Variants in TENT2 observed in about 807,000 individuals in gnomAD.
The protein encoded by TENT2 is poly(A) RNA polymerase GLD2.
A neutral mutation model predicts 72.2 loss-of-function variants in TENT2; 44 were observed. The observed-to-expected ratio is 0.61, with a 90% CI of 0.48 to 0.78. The LOEUF (loss-of-function observed/expected upper bound fraction) is 0.78. Among genes scored for constraint, TENT2 ranks in the 30% least tolerant of loss-of-function variants. The pLI, the probability that TENT2 is intolerant of heterozygous loss-of-function variation, is 0.00. For missense variants in TENT2, 541 were observed against 569.6 expected (o/e 0.95, Z 0.51); for synonymous variants, 212 against 192.5 (o/e 1.10, Z -0.84).
chr5:79,670,159 C>T (rs1418000724), intron 12 of TENT2, among the ~76,000 whole-genome samples: 2 of 148,752 alleles, frequency 1.3e-5, no homozygotes, highest in African/African-American at 5.0e-5. Flanking sequence ...GTGGGGGTTG[C>T]AGTAAGCTGA....
chr5:79,623,779 G>GAA (rs368170393), intron 4 of TENT2: 385 of 187,824 alleles, frequency 2.0e-3, no homozygotes, highest in South Asian at 6.1e-3. Flanking sequence ...TGTTTTTACT[G>GAA]AAAAAAAAAA....
At chr5:79,615,709 C>CTTTTTTT in intron 1 of TENT2, among the ~76,000 whole-genome samples, 1 of 144,978 alleles carries the variant, frequency 6.9e-6, no homozygotes, top group Non-Finnish European at 1.5e-5. Flanking sequence ...TTTCTTTTTT[C>CTTTTTTT]TTTTTTTTTT....
At chr5:79,668,673 T>A in intron 11 of TENT2, 1 of 467,856 alleles carries the variant, frequency 2.1e-6, no homozygotes, top group Non-Finnish European at 3.8e-6. Context: ...AGTGATATAC[T>A]CAAGCCAAGG....
At chr5:79,672,040 T>A (rs1445223222) in intron 12 of TENT2, among the ~76,000 whole-genome samples, 1 of 151,802 alleles carries the variant, frequency 6.6e-6, no homozygotes, top group Non-Finnish European at 1.5e-5. Context: ...GAGGTGGGGG[T>A]TGCAGTGAGC....
chr5:79,648,268 A>G (rs1790740625), intron 8 of TENT2, among the ~76,000 whole-genome samples: 1 of 152,070 alleles, frequency 6.6e-6, no homozygotes, highest in Non-Finnish European at 1.5e-5. Flanking sequence ...TGACTGTGCT[A>G]CTGCACTCCA....
chr5:79,679,246 T>C (rs532828788), intron 12 of TENT2, among the ~76,000 whole-genome samples: 5 of 152,158 alleles, frequency 3.3e-5, no homozygotes, highest in African/African-American at 1.2e-4. Flanking sequence ...TTTCAATAAA[T>C]ATGTGTTGAA....
chr5:79,649,658 A>T (rs1337169370), intron 10 of TENT2, among the ~76,000 whole-genome samples: 2 of 152,108 alleles, frequency 1.3e-5, no homozygotes, highest in Non-Finnish European at 2.9e-5. Context: ...TTGGCTCCCA[A>T]ATTTTAATTT....
chr5:79,645,413 ACTAT>A (rs892336534), intron 8 of TENT2, among the ~76,000 whole-genome samples: 162 of 152,240 alleles, frequency 1.1e-3, no homozygotes, highest in African/African-American at 3.6e-3. Context: ...AATATGTGAG[ACTAT>A]CTAATTTAAA....
chr5:79,682,025 G>T lies in TENT2; in HGVS notation c.1344G>T (p.Lys448Asn), dbSNP rs779740827. ...ATACAGCCAGAGCAGTGCACGAAAAGCAGAAATTTGATATGATCAAGGATC... is the reference window on the plus strand; with the variant it reads ...ATACAGCCAGAGCAGTGCACGAAAATCAGAAATTTGATATGATCAAGGATC... ...GTNTARAVHE[K>N]QKFDMIKDQF... The change falls in exon 14 of 15, where the codon AAG becomes AAT. Residue 448 changes from lysine to asparagine, a missense_variant. Lys to Asn is a moderately conservative substitution (Grantham distance 94). Coordinates refer to ENST00000453514, the MANE Select transcript of TENT2 (RefSeq NM_001114394.3). 5 of 1,613,594 alleles carry T rather than the reference G, an allele frequency of 3.1e-6. No individual in the cohort carries two copies. The highest frequency in any genetic ancestry group is 4.2e-6 in the Non-Finnish European group (5 of 1,179,756).
chr5:79,640,782 C>T (rs375395619), intron 4 of TENT2, 69 bp from the exon 5 acceptor site: 17 of 858,130 alleles, frequency 2.0e-5, no homozygotes, highest in Admixed American at 9.8e-5. Flanking sequence ...TTGATTTATG[C>T]TTCTCCATAT....
At chr5:79,619,239 T>C (rs1181023794) in intron 1 of TENT2, among the ~76,000 whole-genome samples, 1 of 152,232 alleles carries the variant, frequency 6.6e-6, no homozygotes. Flanking sequence ...CAGGATGTCA[T>C]GTGATGGTTT....
chr5:79,641,003 C>A (rs1252039660), intron 5 of TENT2, 38 bp downstream of exon 5: 4 of 1,489,714 alleles, frequency 2.7e-6, no homozygotes, highest in East Asian at 2.3e-5. Flanking sequence ...TAGGTATATG[C>A]ATTCCTATTT....
At chr5:79,663,599 A>G (rs1392139181) in intron 11 of TENT2, among the ~76,000 whole-genome samples, 1 of 152,222 alleles carries the variant, frequency 6.6e-6, no homozygotes, top group Non-Finnish European at 1.5e-5. Flanking sequence ...ATTGGAATAC[A>G]CATAACATTT....
At chr5:79,648,881 TTGA>T in intron 9 of TENT2, 178 bp from the exon 10 acceptor site, 1 of 846,610 alleles carries the variant, frequency 1.2e-6, no homozygotes, top group Non-Finnish European at 1.8e-6. Context: ...ATTTTAATAA[TTGA>T]TAATTTTTAA....
chr5:79,676,978 C>G (rs1302744050), intron 12 of TENT2, among the ~76,000 whole-genome samples: 1 of 152,062 alleles, frequency 6.6e-6, no homozygotes, highest in East Asian at 1.9e-4. Context: ...TTGAGAAGAC[C>G]ATTTGAGTCC....
At chr5:79,681,150 ATT>A (rs1158559796) in intron 13 of TENT2, among the ~76,000 whole-genome samples, 664 of 44,506 alleles carry the variant, frequency 0.015, no homozygotes, top group African/African-American at 0.056. Flanking sequence ...CTTTTCTTTG[ATT>A]TTTTTTTTTT....
Position 79,659,570 on chromosome 5 carries a change from A to G in TENT2, c.1071+2569A>G, listed in dbSNP as rs1342384402. Reference sequence around the variant, plus strand: ...AAAAAAAAAATGTATATATATATATATATATATATATATATATATATATAA... The same window carrying G: ...AAAAAAAAAATGTATATATATATATGTATATATATATATATATATATATAA... On this transcript the variant is annotated intron_variant, in intron 11 of 14. Transcript: ENST00000453514. Among the ~76,000 whole-genome samples the G allele has an allele frequency of 4.6e-3, 568 of 122,646 alleles. 24 individuals are homozygous for G. The highest frequency in any genetic ancestry group is 0.015 in the African/African-American group (489 of 32,540). The allele number at this position is 122,646 out of a possible 152,430, so 80.5% of individuals were successfully genotyped here.
intron 4 of TENT2, among the ~76,000 whole-genome samples, chr5:79,631,336 A>G (rs535843964): frequency 6.6e-6 from 1 of 152,360 alleles, no homozygotes. Context: ...AGAATGGAAG[A>G]GGAGGAAGAT....
chr5:79,638,324 C>T (rs1781826034), intron 4 of TENT2, among the ~76,000 whole-genome samples: 1 of 151,984 alleles, frequency 6.6e-6, no homozygotes, highest in African/African-American at 2.4e-5. Context: ...CTGCCTGGTC[C>T]TGTTATAATA....
Sources: gnomAD v4.1 joint callset for allele counts (sites outside exome capture counted in the v4.1 genomes callset) on GRCh38, gnomAD v4.1.1 for gene constraint, MANE v1.5 for transcripts, NCBI Gene and HGNC (gene_info 2026-07-23, HGNC 2026-07-21) for gene names.